Variants in ADK observed in about 807,000 individuals in gnomAD.
ADK encodes N6,N6-dimethyladenosine kinase.
A neutral mutation model predicts 44.7 loss-of-function variants in ADK; 24 were observed. The ratio of observed to expected loss-of-function variants is 0.54; its 90% CI spans 0.39 to 0.76. ADK has a LOEUF of 0.76. Ranked by LOEUF, ADK falls within the 30% of genes least tolerant of loss-of-function variation. The pLI is 0.00. For synonymous variants in ADK, 128 were observed against 142.6 expected, an observed-to-expected ratio of 0.90 and a Z score of 0.73; for missense variants, 321 against 425.1, an observed-to-expected ratio of 0.76 and a Z score of 2.15.
intron 7 of ADK, among the ~76,000 whole-genome samples, chr10:74,570,508 C>T (rs918164131): frequency 2.6e-4 from 39 of 152,018 alleles, no homozygotes; most frequent in African/African-American, 9.5e-4. Flanking sequence ...TCCTTCACAT[C>T]CCTTGTAAGT....
intron 3 of ADK, among the ~76,000 whole-genome samples, chr10:74,299,942 T>C (rs1255649309): frequency 4.6e-5 from 7 of 152,194 alleles, no homozygotes; most frequent in Admixed American, 1.3e-4. Context: ...CAAATTTTTC[T>C]AAACAAGGAG....
intron 6 of ADK, among the ~76,000 whole-genome samples, chr10:74,516,444 G>C (rs1159608186): frequency 6.6e-6 from 1 of 151,880 alleles, no homozygotes; most frequent in African/African-American, 2.4e-5. Flanking sequence ...CTTTTTTTGT[G>C]TGTGGGTTAG....
At chr10:74,326,732 G>T (rs1841033203) in intron 4 of ADK, among the ~76,000 whole-genome samples, 1 of 151,796 alleles carries the variant, frequency 6.6e-6, no homozygotes, top group Non-Finnish European at 1.5e-5. Context: ...TTTACTTATT[G>T]GTCTGTTCTA....
intron 8 of ADK, 53 bp downstream of exon 8, chr10:74,589,370 T>C: frequency 6.3e-7 from 1 of 1,578,128 alleles, no homozygotes; most frequent in Non-Finnish European, 8.7e-7. Context: ...TTTTTCTAGC[T>C]GATAATGAAG....
At chr10:74,217,532 C>T (rs10762584) in intron 2 of ADK, among the ~76,000 whole-genome samples, 22 of 152,138 alleles carry the variant, frequency 1.4e-4, no homozygotes, top group South Asian at 2.1e-4. Flanking sequence ...TCTCCCAGCA[C>T]GCAGCTGGAG....
At chr10:74,671,311 C>T (rs1274793696) in intron 10 of ADK, among the ~76,000 whole-genome samples, 4 of 152,034 alleles carry the variant, frequency 2.6e-5, no homozygotes, top group East Asian at 1.9e-4. Flanking sequence ...GATTCTCCTG[C>T]CTCAGCCTCC....
intron 3 of ADK, among the ~76,000 whole-genome samples, chr10:74,314,094 A>AT (rs1211316897): frequency 6.6e-6 from 1 of 151,922 alleles, no homozygotes; most frequent in Non-Finnish European, 1.5e-5. Flanking sequence ...ACTTTTGTTT[A>AT]TTTTTATACA....
chr10:74,599,235 G>T (rs890990109), intron 8 of ADK, among the ~76,000 whole-genome samples: 2 of 152,140 alleles, frequency 1.3e-5, no homozygotes, highest in African/African-American at 4.8e-5. Flanking sequence ...ATCCTGTTAG[G>T]TATATTAGAA....
At chr10:74,635,060 G>A (rs902138245) in intron 9 of ADK, among the ~76,000 whole-genome samples, 1 of 152,200 alleles carries the variant, frequency 6.6e-6, no homozygotes, top group African/African-American at 2.4e-5. Flanking sequence ...AGAGAATGAG[G>A]CAAGATAAAT....
Position 74,633,232 on chromosome 10 carries a change from C to A in ADK, c.877+32739C>A, listed in dbSNP as rs889532079. Among the ~76,000 whole-genome samples the A allele has an allele frequency of 4.6e-5, 7 of 152,302 alleles. No homozygotes were observed. In the South Asian group the frequency reaches 1.5e-3, roughly 32 times the overall value. ...TTCCCAGAGTGAACCAATGCTTCCACTGAATGTCAGCTATACACATTGTTC... is the reference window on the plus strand; with the variant it reads ...TTCCCAGAGTGAACCAATGCTTCCAATGAATGTCAGCTATACACATTGTTC... On this transcript the variant is annotated intron_variant, in intron 9 of 10. Coordinates refer to ENST00000539909, the MANE Select transcript of ADK (RefSeq NM_006721.4).
chr10:74,342,970 AT>A (rs1227042967), intron 4 of ADK, among the ~76,000 whole-genome samples: 4 of 152,004 alleles, frequency 2.6e-5, no homozygotes, highest in African/African-American at 9.7e-5. Flanking sequence ...GCCTTTAACT[AT>A]TTTCCCCCTT....
At chr10:74,198,035 A>T (rs1167126710) in intron 1 of ADK, among the ~76,000 whole-genome samples, 1 of 152,176 alleles carries the variant, frequency 6.6e-6, no homozygotes, top group Non-Finnish European at 1.5e-5. Context: ...ATTGAACTGG[A>T]TGCTTACAAA....
intron 9 of ADK, among the ~76,000 whole-genome samples, chr10:74,647,568 C>T (rs968763424): frequency 1.3e-5 from 2 of 152,114 alleles, no homozygotes; most frequent in African/African-American, 4.8e-5. Context: ...TCAGGGAGCA[C>T]ACTTTTCTGA....
At chr10:74,328,540 C>T (rs941325633) in intron 4 of ADK, among the ~76,000 whole-genome samples, 8 of 152,118 alleles carry the variant, frequency 5.3e-5, no homozygotes, top group African/African-American at 1.9e-4. Flanking sequence ...CCATAATCCC[C>T]ACATGTTGAG....
chr10:74,638,681 T>C (rs1853711608), intron 9 of ADK, among the ~76,000 whole-genome samples: 1 of 152,202 alleles, frequency 6.6e-6, no homozygotes, highest in African/African-American at 2.4e-5. Flanking sequence ...ATTTGAACCT[T>C]CGTACATTTT....
intron 3 of ADK, among the ~76,000 whole-genome samples, chr10:74,242,857 T>A (rs1845273849): frequency 6.6e-6 from 1 of 152,188 alleles, no homozygotes; most frequent in Non-Finnish European, 1.5e-5. Flanking sequence ...GGGAAGAGAC[T>A]ACTGCTGTAC....
chr10:74,551,152 C>A (rs556948302), intron 7 of ADK, among the ~76,000 whole-genome samples: 1 of 152,184 alleles, frequency 6.6e-6, no homozygotes, highest in Non-Finnish European at 1.5e-5. Context: ...CATACAGTTA[C>A]AGCAAAGATG....
At chr10:74,234,774 A>G (rs2132278420) in intron 3 of ADK, among the ~76,000 whole-genome samples, 1 of 152,286 alleles carries the variant, frequency 6.6e-6, no homozygotes, top group South Asian at 2.1e-4. Flanking sequence ...CCCTCTGTAG[A>G]ACTTCAATAA....
At chr10:74,175,573 A>T (rs1842302809) in intron 1 of ADK, among the ~76,000 whole-genome samples, 1 of 152,144 alleles carries the variant, frequency 6.6e-6, no homozygotes, top group African/African-American at 2.4e-5. Context: ...AGACATATGA[A>T]ATTGATCACC....
Sources: allele counts gnomAD v4.1 joint callset (sites outside exome capture counted in the v4.1 genomes callset), GRCh38; gene constraint gnomAD v4.1.1; transcripts MANE v1.5; gene names NCBI Gene and HGNC (gene_info 2026-07-23, HGNC 2026-07-21).